The following MAGI2 variants were observed in gnomAD, a reference collection of about 807,000 sequenced individuals.
MAGI2 encodes the protein membrane associated guanylate kinase, WW and PDZ domain containing 2.
MAGI2 carries 35 observed loss-of-function variants against 133.3 expected under a neutral mutation model. That is an observed-to-expected ratio of 0.26 (90% confidence interval 0.20 to 0.35). The LOEUF (loss-of-function observed/expected upper bound fraction) is 0.35, where lower values mean the gene tolerates loss of function less well. Among genes scored for constraint, MAGI2 ranks in the 10% least tolerant of loss-of-function variants. MAGI2 has a pLI of 1.00. For synonymous variants in MAGI2, 729 were observed against 710.6 expected (o/e 1.03, Z -0.41); for missense variants, 1,636 against 1,863.4 (o/e 0.88, Z 2.25).
chr7:78,065,642 A>T (rs1329226281), intron 21 of MAGI2: 1 of 698,728 alleles, frequency 1.4e-6, no homozygotes, highest in Admixed American at 2.0e-5. Flanking sequence ...ATGCACATGG[A>T]GAGACTGGAA....
chr7:79,403,628 C>T (rs575460519), intron 1 of MAGI2, among the ~76,000 whole-genome samples: 140 of 152,160 alleles, frequency 9.2e-4, no homozygotes, highest in Non-Finnish European at 1.6e-3. Context: ...TGAAACTAGG[C>T]CACATCCTGC....
At chr7:78,889,869 C>A (rs912539059) in intron 2 of MAGI2, among the ~76,000 whole-genome samples, 42 of 152,190 alleles carry the variant, frequency 2.8e-4, no homozygotes, top group Admixed American at 6.5e-4. Flanking sequence ...ATCAAATTCA[C>A]ACATAACAAT....
chr7:79,100,336 T>C (rs1817869191), intron 1 of MAGI2, among the ~76,000 whole-genome samples: 1 of 152,082 alleles, frequency 6.6e-6, no homozygotes, highest in Non-Finnish European at 1.5e-5. Context: ...TTCATTCCAC[T>C]TTCCAAACAC....
At chr7:78,114,482 C>T (rs1029237224) in intron 20 of MAGI2, among the ~76,000 whole-genome samples, 3 of 152,192 alleles carry the variant, frequency 2.0e-5, no homozygotes, top group African/African-American at 7.2e-5. Context: ...GACTGTATGC[C>T]ATGCCATTCA....
chr7:79,093,714 C>CTTTTTTTTTTTTTTTTTTTTT (rs369075503), intron 1 of MAGI2, among the ~76,000 whole-genome samples: 3 of 113,286 alleles, frequency 2.6e-5, no homozygotes, highest in Non-Finnish European at 3.7e-5. Context: ...CTTTTCTTTT[C>CTTTTTTTTTTTTTTTTTTTTT]TTTTTTTTTT....
chr7:78,926,602 A>G (rs1584415005), intron 2 of MAGI2, among the ~76,000 whole-genome samples: 1 of 152,030 alleles, frequency 6.6e-6, no homozygotes, highest in African/African-American at 2.4e-5. Flanking sequence ...TCGTTAAATA[A>G]AGTTTGAAAA....
At chr7:78,458,265 C>T (rs1174891189) in intron 6 of MAGI2, among the ~76,000 whole-genome samples, 1 of 138,456 alleles carries the variant, frequency 7.2e-6, no homozygotes, top group Non-Finnish European at 1.5e-5. Flanking sequence ...CACTGCACTC[C>T]AGCCTGGAGA....
intron 3 of MAGI2, among the ~76,000 whole-genome samples, chr7:78,604,408 C>T (rs1035508663): frequency 1.3e-5 from 2 of 152,216 alleles, no homozygotes; most frequent in South Asian, 2.1e-4. Context: ...GTGGTTTGCC[C>T]GTCCTTTGTT....
At chr7:78,039,388 G>A (rs781667576) in intron 21 of MAGI2, among the ~76,000 whole-genome samples, 12 of 152,250 alleles carry the variant, frequency 7.9e-5, no homozygotes, top group African/African-American at 2.9e-4. Context: ...TCAAGAGAGA[G>A]TCTGTGACTT....
At chr7:79,227,955 C>G (rs913251597) in intron 1 of MAGI2, among the ~76,000 whole-genome samples, 1 of 152,132 alleles carries the variant, frequency 6.6e-6, no homozygotes, top group Non-Finnish European at 1.5e-5. Flanking sequence ...AGTGTTGGCA[C>G]CACTGAAGTG....
chr7:78,175,756 C>T (rs1432493811), intron 14 of MAGI2, among the ~76,000 whole-genome samples: 2 of 152,080 alleles, frequency 1.3e-5, no homozygotes, highest in South Asian at 2.1e-4. Context: ...GTGACCTTAA[C>T]CTCGAGTTTG....
intron 1 of MAGI2, among the ~76,000 whole-genome samples, chr7:79,175,934 A>G (rs1277964184): frequency 6.6e-6 from 1 of 152,036 alleles, no homozygotes; most frequent in Admixed American, 6.6e-5. Flanking sequence ...ATTTTTCTTA[A>G]TACAAACCTT....
At chr7:79,084,791 A>G (rs747279698) in intron 1 of MAGI2, among the ~76,000 whole-genome samples, 6 of 151,828 alleles carry the variant, frequency 4.0e-5, no homozygotes, top group Admixed American at 6.6e-5. Context: ...TATCTGAAAT[A>G]TCTTAATTTA....
At chr7:78,862,263 A>G (rs1455305521) in intron 2 of MAGI2, among the ~76,000 whole-genome samples, 1 of 152,224 alleles carries the variant, frequency 6.6e-6, no homozygotes, top group African/African-American at 2.4e-5. Flanking sequence ...GATGAAACCA[A>G]CAGAGTTTAA....
In MAGI2 at chr7:78,475,004, A is replaced by C. The variant is rs115086034; in HGVS notation, c.1045+14757T>G. Among the ~76,000 whole-genome samples the C allele has an allele frequency of 6.8e-3, 1,040 of 151,928 alleles. 10 individuals carry two copies. Among genetic ancestry groups the C allele is most frequent in the African/African-American group, 0.024 (996 of 41,506 alleles). On this transcript the variant is annotated intron_variant, in intron 6 of 21. Transcript: ENST00000354212. ...TGGTACTTCAAGTTTTATGTTGTTCATCTATCCCTTTCTTGGGTCATAATC... is the reference window on the plus strand; with the variant it reads ...TGGTACTTCAAGTTTTATGTTGTTCCTCTATCCCTTTCTTGGGTCATAATC...
At chr7:79,080,985 C>T (rs1815987721) in intron 1 of MAGI2, among the ~76,000 whole-genome samples, 1 of 152,020 alleles carries the variant, frequency 6.6e-6, no homozygotes, top group Admixed American at 6.6e-5. Flanking sequence ...CCATCCTCCC[C>T]AAAACACACA....
chr7:78,881,484 G>A (rs1294807171), intron 2 of MAGI2, among the ~76,000 whole-genome samples: 8 of 151,644 alleles, frequency 5.3e-5, no homozygotes, highest in African/African-American at 7.3e-5. Flanking sequence ...TGTAAATGAC[G>A]AGTTAATGGG....
chr7:78,068,497 G>T (rs1386651508), intron 21 of MAGI2, among the ~76,000 whole-genome samples: 1 of 152,018 alleles, frequency 6.6e-6, no homozygotes, highest in Non-Finnish European at 1.5e-5. Flanking sequence ...TGTGGTGGGG[G>T]TGCTGATCAT....
chr7:78,840,937 A>T (rs1426766195), intron 2 of MAGI2, among the ~76,000 whole-genome samples: 3 of 151,978 alleles, frequency 2.0e-5, no homozygotes, highest in Non-Finnish European at 4.4e-5. Context: ...TGAAAGCTAT[A>T]AAGCACTTAA....
Sources: allele counts gnomAD v4.1 joint callset (sites outside exome capture counted in the v4.1 genomes callset), GRCh38; gene constraint gnomAD v4.1.1; transcripts MANE v1.5; gene names NCBI Gene and HGNC (gene_info 2026-07-23, HGNC 2026-07-21).